The following GAN variants were observed in gnomAD, a reference collection of about 807,000 sequenced individuals.
The protein encoded by GAN is epididymis secretory sperm binding protein.
Under a neutral mutation model 71.3 loss-of-function variants are expected in GAN, and 48 were observed. The observed-to-expected ratio is 0.67, with a 90% CI of 0.53 to 0.86. The LOEUF is 0.86. Among genes scored for constraint, GAN ranks in the 40% least tolerant of loss-of-function variants. The pLI, the probability that GAN is intolerant of heterozygous loss-of-function variation, is 0.00. For missense variants in GAN, 928 were observed against 770.1 expected, an observed-to-expected ratio of 1.21 and a Z score of -2.43; for synonymous variants, 386 against 276.8, an observed-to-expected ratio of 1.39 and a Z score of -3.92.
chr16:81,332,979 C>T (rs899017872), intron 1 of GAN, among the ~76,000 whole-genome samples: 110 of 152,084 alleles, frequency 7.2e-4, no homozygotes, highest in African/African-American at 2.6e-3. Flanking sequence ...ATGGCTCATG[C>T]CTGTAATCCC....
At chr16:81,359,227 C>T (rs1910590525) in intron 5 of GAN, among the ~76,000 whole-genome samples, 2 of 152,090 alleles carry the variant, frequency 1.3e-5, no homozygotes, top group Non-Finnish European at 1.5e-5. Context: ...ACACATATTC[C>T]TAATTTTCAC....
intron 1 of GAN, among the ~76,000 whole-genome samples, chr16:81,329,097 G>T (rs1323635776): frequency 6.6e-6 from 1 of 152,084 alleles, no homozygotes; most frequent in African/African-American, 2.4e-5. Context: ...GTAGAGCAAA[G>T]ATTGATAGTC....
intron 1 of GAN, among the ~76,000 whole-genome samples, chr16:81,344,461 C>G (rs771378806): frequency 1.3e-5 from 2 of 152,144 alleles, no homozygotes; most frequent in African/African-American, 2.4e-5. Flanking sequence ...AGAAATGACA[C>G]CACACATCTA....
chr16:81,316,388 C>T (rs1023928364), intron 1 of GAN, among the ~76,000 whole-genome samples: 1 of 150,974 alleles, frequency 6.6e-6, no homozygotes, highest in Admixed American at 6.7e-5. Context: ...GATATCTGTG[C>T]TAAACTTAGA....
At chr16:81,374,847 A>G (rs539420939) in intron 9 of GAN, among the ~76,000 whole-genome samples, 55 of 152,372 alleles carry the variant, frequency 3.6e-4, no homozygotes, top group African/African-American at 1.3e-3. Context: ...TTTTCAACAG[A>G]GGTGCCAAGG....
chr16:81,347,228 G>T (rs1198075964), intron 1 of GAN, among the ~76,000 whole-genome samples: 2 of 152,174 alleles, frequency 1.3e-5, no homozygotes, highest in African/African-American at 4.8e-5. Context: ...TGGCAATGAA[G>T]TACCTTTTGA....
intron 1 of GAN, among the ~76,000 whole-genome samples, chr16:81,327,934 T>A (rs1414563566): frequency 6.6e-6 from 1 of 152,208 alleles, no homozygotes; most frequent in Non-Finnish European, 1.5e-5. Context: ...GTGGCACGAA[T>A]GCCTTCCTTT....
intron 1 of GAN, among the ~76,000 whole-genome samples, chr16:81,323,054 G>A (rs1909269973): frequency 6.6e-6 from 1 of 152,236 alleles, no homozygotes; most frequent in South Asian, 2.1e-4. Context: ...CTTCAGTGAT[G>A]GAGCTGGAGG....
At chr16:81,374,894 G>A (rs1398782048) in intron 9 of GAN, among the ~76,000 whole-genome samples, 2 of 152,166 alleles carry the variant, frequency 1.3e-5, no homozygotes, top group Admixed American at 6.5e-5. Context: ...TTAGCAAATG[G>A]TGCTGGAACA....
chr16:81,368,668 C>G (rs1910939791), intron 9 of GAN, among the ~76,000 whole-genome samples: 1 of 151,968 alleles, frequency 6.6e-6, no homozygotes, highest in South Asian at 2.1e-4. Flanking sequence ...GTTGCCAGGT[C>G]TGGTCCTTTT....
chr16:81,323,761 G>C (rs183113842), intron 1 of GAN, among the ~76,000 whole-genome samples: 75 of 152,304 alleles, frequency 4.9e-4, no homozygotes, highest in African/African-American at 1.4e-3. Context: ...CAAGGCCACT[G>C]TCCTCCTGGA....
In GAN at chr16:81,332,265, G is replaced by A. The variant is rs138326286; in HGVS notation, c.167+16985G>A. ...GGTGGGTAAACCAGTCAGAGACGTT[G>A]CAGGTCATTTCAGCAAGCTACCAGG... On this transcript the variant is annotated intron_variant, in intron 1 of 10. Coordinates refer to ENST00000648994, the MANE Select transcript of GAN (RefSeq NM_022041.4). Among the ~76,000 whole-genome samples the A allele has an allele frequency of 8.9e-3, 1,354 of 152,324 alleles. 6 individuals are homozygous for A. The highest frequency in any genetic ancestry group is 0.014 in the Non-Finnish European group (954 of 68,022).
At chr16:81,331,648 C>T (rs1909581626) in intron 1 of GAN, among the ~76,000 whole-genome samples, 1 of 152,220 alleles carries the variant, frequency 6.6e-6, no homozygotes. Flanking sequence ...CCACGTCCCA[C>T]CCTGTCCCCT....
In GAN at chr16:81,364,967, C is replaced by A. The variant is rs888674960; in HGVS notation, c.1237-7C>A. On this transcript the variant is annotated splice_polypyrimidine_tract_variant and splice_region_variant and intron_variant, in intron 7 of 10. Coordinates refer to ENST00000648994, the MANE Select transcript of GAN (RefSeq NM_022041.4). Reference sequence around the variant, plus strand: ...GCCTCTCCCCCACCATTGTTCTCTGCTTTCAGATCGGCTGCTATGCAGCTA... The same window carrying A: ...GCCTCTCCCCCACCATTGTTCTCTGATTTCAGATCGGCTGCTATGCAGCTA... 2 of 1,613,786 alleles carry A rather than the reference C, an allele frequency of 1.2e-6. No homozygotes were observed. The highest frequency in any genetic ancestry group is 4.5e-5 in the East Asian group (2 of 44,884).
chr16:81,348,796 G>A (rs1910205251), intron 1 of GAN, among the ~76,000 whole-genome samples: 1 of 152,236 alleles, frequency 6.6e-6, no homozygotes, highest in Non-Finnish European at 1.5e-5. Flanking sequence ...AGGGCAGATT[G>A]ATGTCTGTGC....
intron 5 of GAN, among the ~76,000 whole-genome samples, chr16:81,361,986 T>G (rs1910688857): frequency 6.6e-6 from 1 of 152,242 alleles, no homozygotes; most frequent in African/African-American, 2.4e-5. Flanking sequence ...TAAGATTATT[T>G]TTTAAATGTT....
rs780179318 is a variant in GAN at position 81,315,296 on chromosome 16, C to CGGCG, written c.167+25_167+28dup. The CGGCG allele has an allele frequency of 6.9e-7, 1 of 1,441,848 alleles. No homozygotes were observed. Among genetic ancestry groups the CGGCG allele is most frequent in the Non-Finnish European group, 9.2e-7 (1 of 1,083,410 alleles). The allele number at this position is 1,441,848 out of a possible 1,614,324, so 89.3% of individuals were successfully genotyped here. ...CGTACATCAGGTGGGGAGGGGGCTA[C>CGGCG]GGCGGGCGGGCGCGGCGGTGCTGCC... On this transcript the variant is annotated intron_variant, in intron 1 of 10. Coordinates refer to ENST00000648994, the MANE Select transcript of GAN (RefSeq NM_022041.4).
At chr16:81,352,658 T>C (rs1597400410) in intron 2 of GAN, among the ~76,000 whole-genome samples, 1 of 152,272 alleles carries the variant, frequency 6.6e-6, no homozygotes, top group African/African-American at 2.4e-5. Flanking sequence ...ATTCATTCTG[T>C]CCAGAGTTAA....
rs1013046711 is a variant in GAN at position 81,381,932 on chromosome 16, A to G, written c.*4336A>G. ...AGCTGAAACTAGTATAGCATAAACA[A>G]TGCCAAGTGCCTGATGTACATGATG... On this transcript the variant is annotated 3_prime_UTR_variant, in exon 11 of 11. Transcript: ENST00000648994. 6.6e-6 allele frequency: 1 copy of G among 152,140 alleles called. No individual in the cohort carries two copies. The highest frequency in any genetic ancestry group is 2.4e-5 in the African/African-American group (1 of 41,428). 9.4% of individuals were successfully genotyped at this position (152,140 alleles called of 1,614,324 possible). A position where few individuals can be genotyped will look rare whatever the true frequency, so the allele number is the denominator to read the frequency against.
Sources: allele counts gnomAD v4.1 joint callset (sites outside exome capture counted in the v4.1 genomes callset), GRCh38; gene constraint gnomAD v4.1.1; transcripts MANE v1.5; gene names NCBI Gene and HGNC (gene_info 2026-07-23, HGNC 2026-07-21).